Variants in SLC35D4 observed in about 807,000 individuals in gnomAD.
The protein encoded by SLC35D4 is solute carrier family 35 member D4.
chr18:23,250,356 TG>T, the SLC35D4 span, among the ~76,000 whole-genome samples: 2 of 151,970 alleles, frequency 1.3e-5, no homozygotes, highest in African/African-American at 4.8e-5. Context: ...GGTGAGGGGT[TG>T]AGAAGCTGGA....
chr18:23,295,169 T>C, the SLC35D4 span, among the ~76,000 whole-genome samples: 1 of 149,012 alleles, frequency 6.7e-6, no homozygotes, highest in Non-Finnish European at 1.5e-5. Context: ...AAAAGTAAGT[T>C]GAACACGGAC....
the SLC35D4 span, among the ~76,000 whole-genome samples, chr18:23,386,685 C>T: frequency 1.7e-5 from 2 of 119,484 alleles, no homozygotes; most frequent in Admixed American, 1.0e-4. Flanking sequence ...GGAGACTGAA[C>T]TGAAGTAAAT....
chr18:23,403,658 A>C, the SLC35D4 span, among the ~76,000 whole-genome samples: 1 of 152,346 alleles, frequency 6.6e-6, no homozygotes, highest in East Asian at 1.9e-4. Flanking sequence ...GGGGTGGTGC[A>C]TTAAGACAGG....
the SLC35D4 span, among the ~76,000 whole-genome samples, chr18:23,345,318 C>T: frequency 6.6e-6 from 1 of 151,664 alleles, no homozygotes; most frequent in African/African-American, 2.4e-5. Context: ...CCTGTCTCTA[C>T]TAAAAATACA....
At chr18:23,420,308 T>A in the SLC35D4 span, among the ~76,000 whole-genome samples, 2 of 151,738 alleles carry the variant, frequency 1.3e-5, no homozygotes, top group African/African-American at 4.8e-5. Flanking sequence ...CATCTCAAAA[T>A]AATAATAATA....
chr18:23,324,784 GC>G, the SLC35D4 span, among the ~76,000 whole-genome samples: 1 of 152,164 alleles, frequency 6.6e-6, no homozygotes, highest in Non-Finnish European at 1.5e-5. Flanking sequence ...GCATGAACGA[GC>G]CCAGCACAGT....
At chr18:23,356,650 G>A in the SLC35D4 span, 5 of 1,614,106 alleles carry the variant, frequency 3.1e-6, no homozygotes, top group Non-Finnish European at 4.2e-6. This position sits in a 1 kb window ranked among gnomAD's most constrained non-coding sequence, Gnocchi z 4.1. Context: ...AGTCCAGGAC[G>A]CTGAAGAGAT....
chr18:23,283,702 A>G, the SLC35D4 span, among the ~76,000 whole-genome samples: 6 of 151,590 alleles, frequency 4.0e-5, no homozygotes, highest in Admixed American at 2.0e-4. Flanking sequence ...CCAGCTACTC[A>G]GGAGGCTGAG....
the SLC35D4 span, among the ~76,000 whole-genome samples, chr18:23,246,189 G>A: frequency 2.0e-5 from 3 of 151,768 alleles, no homozygotes; most frequent in Admixed American, 6.6e-5. Context: ...GCTTGAACCT[G>A]GGAGGCAGAG....
At chr18:23,380,778 C>CTGTGTG in the SLC35D4 span, among the ~76,000 whole-genome samples, 335 of 150,464 alleles carry the variant, frequency 2.2e-3, 3 homozygotes, top group Non-Finnish European at 1.4e-3. Context: ...TACAGTCAAA[C>CTGTGTG]TGTGTGTGTG....
the SLC35D4 span, among the ~76,000 whole-genome samples, chr18:23,343,999 A>G: frequency 3.3e-5 from 5 of 151,888 alleles, no homozygotes; most frequent in African/African-American, 1.2e-4. Context: ...CCCAGGTTCA[A>G]GTGATTCTCC....
the SLC35D4 span, among the ~76,000 whole-genome samples, chr18:23,394,659 G>T: frequency 3.9e-5 from 6 of 151,968 alleles, no homozygotes; most frequent in African/African-American, 1.2e-4. Context: ...TTTTCCCCCA[G>T]GAGTTCAATG....
At chr18:23,370,088 C>T in the SLC35D4 span, 76 of 677,378 alleles carry the variant, frequency 1.1e-4, no homozygotes, top group African/African-American at 8.9e-4. Context: ...CTGAGGCAGG[C>T]GAATCGCTTG....
the SLC35D4 span, among the ~76,000 whole-genome samples, chr18:23,426,474 C>T: frequency 1.3e-5 from 2 of 152,110 alleles, no homozygotes; most frequent in Admixed American, 6.6e-5. Context: ...TGTGAAGGAC[C>T]TCTCCAAGGA....
At chr18:23,430,678 C>T in the SLC35D4 span, 2 of 1,612,006 alleles carry the variant, frequency 1.2e-6, no homozygotes, top group Non-Finnish European at 1.7e-6. Context: ...ACAGCACATA[C>T]TGAAAAACAA....
chr18:23,376,355 G>C, the SLC35D4 span, among the ~76,000 whole-genome samples: 2 of 152,198 alleles, frequency 1.3e-5, no homozygotes, highest in Non-Finnish European at 2.9e-5. Flanking sequence ...TGACCGGCTG[G>C]GCCAGAGGCA....
chr18:23,434,236 T>C, the SLC35D4 span, among the ~76,000 whole-genome samples: 1 of 152,110 alleles, frequency 6.6e-6, no homozygotes, highest in Non-Finnish European at 1.5e-5. Context: ...CACCTCCTCC[T>C]CCCTCTGTAG....
At chr18:23,339,469 T>G in the SLC35D4 span, among the ~76,000 whole-genome samples, 3 of 152,346 alleles carry the variant, frequency 2.0e-5, no homozygotes, top group Admixed American at 1.3e-4. Context: ...GTGATTAGCA[T>G]TTAGTCTTGA....
At chr18:23,431,742 A>C in the SLC35D4 span, among the ~76,000 whole-genome samples, 6 of 152,122 alleles carry the variant, frequency 3.9e-5, no homozygotes, top group Admixed American at 3.9e-4. Flanking sequence ...ATATTTATGT[A>C]TATTAATTGA....
Sources: allele counts gnomAD v4.1 joint callset (sites outside exome capture counted in the v4.1 genomes callset), GRCh38; gene constraint gnomAD v4.1.1; non-coding constraint Gnocchi (gnomAD v3.1); transcripts MANE v1.5; gene names NCBI Gene and HGNC (gene_info 2026-07-23, HGNC 2026-07-21).